The following CNTN5 variants were observed in gnomAD, a reference collection of about 807,000 sequenced individuals.
The protein encoded by CNTN5 is contactin 5.
A neutral mutation model predicts 129.1 loss-of-function variants in CNTN5; 77 were observed. The observed-to-expected ratio is 0.60, with a 90% CI of 0.50 to 0.72. The LOEUF (loss-of-function observed/expected upper bound fraction) is 0.72. CNTN5 is among the 30% of genes least tolerant of loss of function. CNTN5 has a pLI of 0.00. For synonymous variants in CNTN5, 509 were observed against 465.6 expected (o/e 1.09, Z -1.20); for missense variants, 1,478 against 1,328.8 (o/e 1.11, Z -1.75).
chr11:99,619,078 A>C (rs1386219973), intron 3 of CNTN5, among the ~76,000 whole-genome samples: 1 of 152,142 alleles, frequency 6.6e-6, no homozygotes, highest in Non-Finnish European at 1.5e-5. Context: ...ATGGAAAAAA[A>C]GGTGCAGAAT....
chr11:100,342,152 G>GACACACACAC (rs3220443), intron 23 of CNTN5, among the ~76,000 whole-genome samples: 39,683 of 146,770 alleles, frequency 0.27, 5,372 homozygotes, highest in South Asian at 0.35. Context: ...ATAGATCACA[G>GACACACACAC]ACACACACAC....
intron 2 of CNTN5, among the ~76,000 whole-genome samples, chr11:99,374,506 A>AC (rs1406585328): frequency 4.6e-5 from 7 of 151,788 alleles, no homozygotes; most frequent in African/African-American, 1.7e-4. Flanking sequence ...ACACGGTAAA[A>AC]CCCCGTCTCT....
intron 1 of CNTN5, among the ~76,000 whole-genome samples, chr11:99,318,945 T>C (rs970243547): frequency 6.6e-6 from 1 of 152,214 alleles, no homozygotes; most frequent in Non-Finnish European, 1.5e-5. Flanking sequence ...TCTGCAGTCT[T>C]ATACACATTA....
chr11:99,800,531 CAGT>C (rs767987408), intron 3 of CNTN5, among the ~76,000 whole-genome samples: 10 of 152,044 alleles, frequency 6.6e-5, no homozygotes, highest in Non-Finnish European at 1.5e-4. Flanking sequence ...CTGATGCTGT[CAGT>C]AGAGTGTTAA....
At chr11:99,321,675 A>T (rs1007593861) in intron 1 of CNTN5, among the ~76,000 whole-genome samples, 2 of 152,162 alleles carry the variant, frequency 1.3e-5, no homozygotes, top group African/African-American at 4.8e-5. Context: ...ATATGCTTTG[A>T]TTCTACTCAA....
At chr11:99,896,468 C>G (rs536074565) in intron 6 of CNTN5, among the ~76,000 whole-genome samples, 1 of 152,224 alleles carries the variant, frequency 6.6e-6, no homozygotes, top group African/African-American at 2.4e-5. Flanking sequence ...AGCTGAGATA[C>G]AGAGGAGTAG....
intron 6 of CNTN5, among the ~76,000 whole-genome samples, chr11:99,863,208 A>T (rs1203029321): frequency 6.6e-6 from 1 of 152,102 alleles, no homozygotes; most frequent in Non-Finnish European, 1.5e-5. Flanking sequence ...GTCAAACTGG[A>T]GCCCAATATA....
intron 1 of CNTN5, among the ~76,000 whole-genome samples, chr11:99,210,321 T>C (rs773390692): frequency 2.0e-5 from 3 of 152,214 alleles, no homozygotes; most frequent in Non-Finnish European, 4.4e-5. Flanking sequence ...TAGTACATCA[T>C]ATCATAACAT....
intron 1 of CNTN5, among the ~76,000 whole-genome samples, chr11:99,248,844 A>G (rs1056363595): frequency 1.3e-5 from 2 of 152,136 alleles, no homozygotes; most frequent in African/African-American, 2.4e-5. Context: ...TGGTACCAGT[A>G]CCATGCTGTT....
intron 15 of CNTN5, among the ~76,000 whole-genome samples, chr11:100,221,031 G>A (rs1949253329): frequency 6.6e-6 from 1 of 152,198 alleles, no homozygotes; most frequent in Non-Finnish European, 1.5e-5. Context: ...GACCTTGGGG[G>A]AGACATCTAC....
At chr11:99,345,319 C>T (rs7116882) in intron 2 of CNTN5, among the ~76,000 whole-genome samples, 36,553 of 151,978 alleles carry the variant, frequency 0.24, 5,014 homozygotes, top group Non-Finnish European at 0.31. Context: ...TTTTTAGTGA[C>T]GTAAACTGAA....
intron 13 of CNTN5, among the ~76,000 whole-genome samples, chr11:100,096,243 C>T (rs1945004568): frequency 6.6e-6 from 1 of 152,064 alleles, no homozygotes; most frequent in Admixed American, 6.6e-5. Context: ...GTCCCAGGCA[C>T]ATTATTTAAT....
At chr11:99,330,589 G>A (rs1425413353) in intron 2 of CNTN5, among the ~76,000 whole-genome samples, 1 of 152,112 alleles carries the variant, frequency 6.6e-6, no homozygotes, top group African/African-American at 2.4e-5. Context: ...CCTGTTAGCA[G>A]GATTCATGAT....
intron 17 of CNTN5, among the ~76,000 whole-genome samples, chr11:100,256,437 C>G (rs1190709549): frequency 6.6e-6 from 1 of 152,132 alleles, no homozygotes; most frequent in Non-Finnish European, 1.5e-5. Flanking sequence ...GTTTCATTAG[C>G]TCAGTTCCTT....
At chr11:99,136,755 A>G (rs1859244168) in intron 1 of CNTN5, among the ~76,000 whole-genome samples, 1 of 135,636 alleles carries the variant, frequency 7.4e-6, no homozygotes, top group Non-Finnish European at 1.6e-5. Context: ...ACACAGATGG[A>G]CGGAAGAAGG....
At chr11:99,537,535 C>T (rs1394466694) in intron 2 of CNTN5, among the ~76,000 whole-genome samples, 1 of 152,110 alleles carries the variant, frequency 6.6e-6, no homozygotes, top group Non-Finnish European at 1.5e-5. Context: ...GTTCTTATAA[C>T]TAAGCACCCT....
chr11:99,178,797 TATA>T (rs1857906447), intron 1 of CNTN5, among the ~76,000 whole-genome samples: 2 of 152,094 alleles, frequency 1.3e-5, no homozygotes, highest in African/African-American at 4.8e-5. Flanking sequence ...TCTAATATTA[TATA>T]ATTATTTAAT....
chr11:99,885,567 T>C lies in CNTN5; in HGVS notation c.578-30487T>C, dbSNP rs7107122. Among the ~76,000 whole-genome samples the C allele has an allele frequency of 7.5e-3, 1,135 of 152,246 alleles. 10 individuals are homozygous for C. Among genetic ancestry groups the C allele is most frequent in the African/African-American group, 0.026 (1,062 of 41,552 alleles). On this transcript the variant is annotated intron_variant, in intron 6 of 24. Transcript: ENST00000524871. ...ATACCCTCAAGGAAGGATTAAAATT[T>C]TTATCTCAGGCAAAAATAATCCTAA...
chr11:99,447,308 T>C (rs550925081), intron 2 of CNTN5, among the ~76,000 whole-genome samples: 47 of 152,224 alleles, frequency 3.1e-4, no homozygotes, highest in Non-Finnish European at 5.7e-4. Context: ...ACTTAATGTT[T>C]TGTTTTAGGC....
Sources: allele counts gnomAD v4.1 joint callset (sites outside exome capture counted in the v4.1 genomes callset), GRCh38; gene constraint gnomAD v4.1.1; transcripts MANE v1.5; gene names NCBI Gene and HGNC (gene_info 2026-07-23, HGNC 2026-07-21).